ANKRD18B: variants seen among roughly 807,000 people sequenced by gnomAD.
ANKRD18B encodes ankyrin repeat domain-containing protein 18B.
Under a neutral mutation model 111.8 loss-of-function variants are expected in ANKRD18B, and 75 were observed. The ratio of observed to expected loss-of-function variants is 0.67; its 90% confidence interval spans 0.56 to 0.81. The LOEUF (loss-of-function observed/expected upper bound fraction) is 0.81, where lower values mean the gene tolerates loss of function less well. Among genes scored for constraint, ANKRD18B ranks in the 40% least tolerant of loss-of-function variants. The pLI is 0.00. For missense variants in ANKRD18B, 1,038 were observed against 1,225.5 expected (o/e 0.85, Z 2.28); for synonymous variants, 356 against 417.3 (o/e 0.85, Z 1.79).
At chr9:33,557,907 G>T (rs1384321861) in intron 13 of ANKRD18B, 151 bp from the exon 14 acceptor site, 2 of 655,986 alleles carry the variant, frequency 3.0e-6, no homozygotes, top group Non-Finnish European at 4.9e-6. Flanking sequence ...ATTTCATATA[G>T]AATGCTTTCA....
chr9:33,541,033 C>T, intron 8 of ANKRD18B, 114 bp from the exon 9 acceptor site: 1 of 1,309,114 alleles, frequency 7.6e-7, no homozygotes, highest in African/African-American at 1.5e-5. Flanking sequence ...GTGCAAGCTT[C>T]TAATGGGTAG....
At chr9:33,560,569 G>A (rs981143321) in intron 14 of ANKRD18B, among the ~76,000 whole-genome samples, 2 of 152,204 alleles carry the variant, frequency 1.3e-5, no homozygotes, top group African/African-American at 4.8e-5. Flanking sequence ...TCTTATTGCT[G>A]AGTAATATTC....
chr9:33,558,715 T>A (rs1301805525), intron 14 of ANKRD18B, among the ~76,000 whole-genome samples: 1 of 152,154 alleles, frequency 6.6e-6, no homozygotes. Flanking sequence ...TAATTTTAAA[T>A]CAGTTTGGGG....
chr9:33,530,644 A>G (rs1214809697), intron 3 of ANKRD18B, among the ~76,000 whole-genome samples: 1 of 152,222 alleles, frequency 6.6e-6, no homozygotes, highest in African/African-American at 2.4e-5. Context: ...AATCTCTAAA[A>G]GAGTTGGCAT....
chr9:33,524,669 C>G lies in ANKRD18B; in HGVS notation c.180C>G (p.Asp60Glu), dbSNP rs112045431. 1.9e-6 allele frequency: 3 copies of G among 1,550,666 alleles called. No homozygotes were observed. The highest frequency in any genetic ancestry group is 4.9e-5 in the East Asian group (2 of 40,908). Reference protein sequence around the residue: ...VEHCLTRRFRDLDVRDRKDRT... With the variant: ...VEHCLTRRFRELDVRDRKDRT... ...ACTGCCTGACGCGCAGGTTCCGGGACTTGGACGTCCGCGACAGAAAAGACA... is the reference window on the plus strand; with the variant it reads ...ACTGCCTGACGCGCAGGTTCCGGGAGTTGGACGTCCGCGACAGAAAAGACA... Residue 60 changes from aspartate to glutamate, a missense_variant, in exon 1 of 19, where the codon GAC (aspartate) becomes GAG (glutamate). Coordinates refer to ENST00000684830, the MANE Select transcript of ANKRD18B (RefSeq NM_001393611.1).
At chr9:33,527,585 G>C (rs1425716592) in intron 1 of ANKRD18B, among the ~76,000 whole-genome samples, 1 of 152,206 alleles carries the variant, frequency 6.6e-6, no homozygotes, top group East Asian at 1.9e-4. Flanking sequence ...CTCCCAAAAT[G>C]CTGGGATTAC....
intron 9 of ANKRD18B, among the ~76,000 whole-genome samples, chr9:33,541,747 G>C (rs1159208780): frequency 6.6e-6 from 1 of 152,080 alleles, no homozygotes; most frequent in African/African-American, 2.4e-5. Flanking sequence ...TAAAATGTTG[G>C]TCTTTTTCTC....
chr9:33,569,037 T>C, intron 17 of ANKRD18B, 144 bp downstream of exon 17: 1 of 746,836 alleles, frequency 1.3e-6, no homozygotes, highest in Non-Finnish European at 1.9e-6. Flanking sequence ...AGAAAGGAAA[T>C]GGAAACTTTA....
rs1239428276 is a variant in ANKRD18B, at chr9:33,541,223, A to C, written c.1074A>C (p.Ala358=). 2 of 1,545,734 alleles carry C rather than the reference A, an allele frequency of 1.3e-6. No individual in the cohort carries two copies. Among genetic ancestry groups the C allele is most frequent in the Non-Finnish European group, 1.7e-6 (2 of 1,145,712 alleles). Residue 358 remains alanine, a synonymous_variant, in exon 9 of 19, where the codon GCA becomes GCC. Coordinates refer to ENST00000684830, the MANE Select transcript of ANKRD18B (RefSeq NM_001393611.1). ...RKKLKKRKEG[A]KEHNLKVASE... ...AATTGAAAAAAAGAAAAGAAGGTGC[A>C]AAAGGTAAGACACTTGAGTATCTCT...
chr9:33,548,186 A>C lies in ANKRD18B; in HGVS notation c.1398A>C (p.Lys466Asn), dbSNP rs1315013560. ...AQYSQQLNDLKAENARLNSKL... is the reference protein window; with the variant it reads ...AQYSQQLNDLNAENARLNSKL... ...ATTCGCAACAGCTTAATGATCTGAA[A>C]GCTGAGAATGCAAGGCTGAATTCAA... The change falls in exon 11 of 19, where the codon AAA becomes AAC. Residue 466 changes from lysine to asparagine, a missense_variant. Lys to Asn is a moderately conservative substitution (Grantham distance 94). Around this residue, in one of 4 missense-constraint regions of ANKRD18B, gnomAD observed 205 missense variants for 201.3 expected, o/e 1.02. Transcript: ENST00000684830. 7.1e-6 allele frequency: 11 copies of C among 1,548,516 alleles called. No individual in the cohort carries two copies.
chr9:33,533,561 T>C lies in ANKRD18B; in HGVS notation c.602+16T>C, dbSNP rs756376726. 1 of 1,526,036 alleles carries C rather than the reference T, an allele frequency of 6.6e-7. No homozygotes were observed. Among genetic ancestry groups the C allele is most frequent in the South Asian group, 1.3e-5 (1 of 78,356 alleles). 94.5% of individuals were successfully genotyped at this position (1,526,036 alleles called of 1,614,324 possible). A position where few individuals can be genotyped will look rare whatever the true frequency, so the allele number is the denominator to read the frequency against. On this transcript the variant is annotated intron_variant, in intron 4 of 18. Transcript: ENST00000684830. ...ATTTCAAAAGGTGCAATAGTTTTTG[T>C]TTTCTGTTTTCTTTTTTCCTAAAAA...
At chr9:33,548,926 G>A (rs764882128) in intron 11 of ANKRD18B, 71 bp downstream of exon 11, 170 of 1,290,768 alleles carry the variant, frequency 1.3e-4, no homozygotes, top group Non-Finnish European at 1.6e-4. Flanking sequence ...TATGTTGAAC[G>A]TAGTTCAATA....
Position 33,548,255 on chromosome 9 carries a change from A to G in ANKRD18B, c.1467A>G (p.Glu489=). The G allele has an allele frequency of 6.4e-7, 1 of 1,551,196 alleles. No individual in the cohort carries two copies. The highest frequency in any genetic ancestry group is 8.7e-7 in the Non-Finnish European group (1 of 1,146,686). The change falls in exon 11 of 19, where the codon GAA becomes GAG. Residue 489 remains glutamate, a synonymous_variant. Coordinates refer to ENST00000684830, the MANE Select transcript of ANKRD18B (RefSeq NM_001393611.1). Reference sequence around the variant, plus strand: ...ACAACAAAGAAAGACTAGAAGCTGAAGTTGAATCCCTCCATTCTAACTTGG... The same window carrying G: ...ACAACAAAGAAAGACTAGAAGCTGAGGTTGAATCCCTCCATTCTAACTTGG... The part of the protein sequence containing the change: ...EKHNKERLEA[E]VESLHSNLAT...
chr9:33,528,216 G>A (rs1176337528), intron 1 of ANKRD18B, among the ~76,000 whole-genome samples: 1 of 152,198 alleles, frequency 6.6e-6, no homozygotes, highest in East Asian at 1.9e-4. Flanking sequence ...CAGGAGGTTT[G>A]TTTGAGCCTA....
intron 5 of ANKRD18B, 111 bp downstream of exon 5, chr9:33,534,618 G>T: frequency 7.4e-7 from 1 of 1,358,190 alleles, no homozygotes; most frequent in Non-Finnish European, 9.6e-7. Flanking sequence ...GAGGTAGTTT[G>T]GAATGGCAAC....
intron 16 of ANKRD18B, among the ~76,000 whole-genome samples, chr9:33,567,529 C>T (rs1175320774): frequency 1.3e-5 from 2 of 150,282 alleles, no homozygotes; most frequent in African/African-American, 2.4e-5. Context: ...TTTTGTGTGG[C>T]TTTTTTCCCT....
At chr9:33,565,477 T>A (rs1430708121) in intron 14 of ANKRD18B, among the ~76,000 whole-genome samples, 8 of 152,152 alleles carry the variant, frequency 5.3e-5, no homozygotes, top group Non-Finnish European at 1.5e-5. Context: ...TTATTTTGTG[T>A]TTTTTGAGAT....
intron 14 of ANKRD18B, among the ~76,000 whole-genome samples, chr9:33,560,827 T>C (rs1471670342): frequency 6.6e-6 from 1 of 152,012 alleles, no homozygotes; most frequent in African/African-American, 2.4e-5. Flanking sequence ...GGCATGGTGG[T>C]GTGTGCCTGT....
Position 33,540,204 on chromosome 9 carries a change from C to T in ANKRD18B, c.989C>T (p.Pro330Leu), listed in dbSNP as rs569913034. 2 of 151,228 alleles carry T rather than the reference C, an allele frequency of 1.3e-5. No homozygotes were observed. Among genetic ancestry groups the T allele is most frequent in the African/African-American group, 4.9e-5 (2 of 41,172 alleles). The allele number at this position is 151,228 out of a possible 1,614,324, so 9.4% of individuals were successfully genotyped here. A position where few individuals can be genotyped will look rare whatever the true frequency, so the allele number is the denominator to read the frequency against. The stretch of plus-strand genomic sequence containing the variant: ...AGCTGGGACAACAGGCACATGCGAC[C>T]ATGCCCAGGTAATTTTTGTATTTTT... ...PRSWDNRHMR[P>L]CPETAAMKPE... The change falls in exon 8 of 19, where the codon CCA becomes CTA. Residue 330 changes from proline (P) to leucine (L), a missense_variant. Physicochemically the swap from Pro to Leu is moderately conservative, Grantham distance 98. Coordinates refer to ENST00000684830, the MANE Select transcript of ANKRD18B (RefSeq NM_001393611.1).
Sources: allele counts gnomAD v4.1 joint callset (sites outside exome capture counted in the v4.1 genomes callset), GRCh38; gene constraint gnomAD v4.1.1; regional missense constraint gnomAD v4.1.1; transcripts MANE v1.5; gene names NCBI Gene and HGNC (gene_info 2026-07-23, HGNC 2026-07-21).